Variants in CDH4 observed in about 807,000 individuals in gnomAD.
The protein encoded by CDH4 is cadherin 4.
A neutral mutation model predicts 86.0 loss-of-function variants in CDH4; 33 were observed. The observed-to-expected ratio is 0.38, with a 90% CI of 0.29 to 0.51. The LOEUF is 0.51. CDH4 is among the 20% of genes least tolerant of loss of function. CDH4 has a pLI of 0.86. For synonymous variants in CDH4, 555 were observed against 549.4 expected, an observed-to-expected ratio of 1.01 and a Z score of -0.14; for missense variants, 1,114 against 1,307.4, an observed-to-expected ratio of 0.85 and a Z score of 2.28.
chr20:61,622,906 C>T (rs747632766), intron 2 of CDH4, among the ~76,000 whole-genome samples: 3 of 152,090 alleles, frequency 2.0e-5, no homozygotes, highest in Non-Finnish European at 1.5e-5. Flanking sequence ...GAGGTGGCTG[C>T]GGAGTTTAAG....
intron 2 of CDH4, among the ~76,000 whole-genome samples, chr20:61,523,863 G>A (rs2085891123): frequency 6.6e-6 from 1 of 152,198 alleles, no homozygotes; most frequent in Admixed American, 6.5e-5. Context: ...TACCAAAAAA[G>A]TCAAATTAAA....
At chr20:61,904,170 G>T (rs2054762498) in intron 8 of CDH4, among the ~76,000 whole-genome samples, 1 of 152,180 alleles carries the variant, frequency 6.6e-6, no homozygotes, top group Non-Finnish European at 1.5e-5. Context: ...AGCCGTCATC[G>T]GGGCCTCCAC....
chr20:61,657,330 G>A (rs2087203194), intron 2 of CDH4, among the ~76,000 whole-genome samples: 1 of 152,244 alleles, frequency 6.6e-6, no homozygotes, highest in African/African-American at 2.4e-5. Flanking sequence ...CCCCAAACGG[G>A]TTGCTTCCAC....
Position 61,383,548 on chromosome 20 carries a change from T to G in CDH4, c.169+128611T>G, listed in dbSNP as rs1307273153. On this transcript the variant is annotated intron_variant, in intron 2 of 15. Transcript: ENST00000614565. ...ATGAATATATATGAATATATATGAA[T>G]ATATATGATATATGATATATGATAT... 9.3e-5 allele frequency among the ~76,000 whole-genome samples: 8 copies of G among 86,034 alleles called. 1 individual carries two copies. Among genetic ancestry groups the G allele is most frequent in the African/African-American group, 1.4e-4 (2 of 13,884 alleles). The allele number at this position is 86,034 out of a possible 152,430, so 56.4% of individuals were successfully genotyped here. A position where few individuals can be genotyped will look rare whatever the true frequency, so the allele number is the denominator to read the frequency against.
intron 2 of CDH4, among the ~76,000 whole-genome samples, chr20:61,305,292 TG>T (rs1218095052): frequency 3.9e-5 from 6 of 152,218 alleles, no homozygotes; most frequent in Non-Finnish European, 8.8e-5. Flanking sequence ...GCTTTCGAGA[TG>T]CAGGGCCAGT....
chr20:61,699,576 A>C (rs1040504645), intron 2 of CDH4, among the ~76,000 whole-genome samples: 13 of 152,172 alleles, frequency 8.5e-5, no homozygotes, highest in African/African-American at 3.1e-4. Context: ...ATTGCTTCTC[A>C]CACAGCTTCC....
intron 9 of CDH4, among the ~76,000 whole-genome samples, chr20:61,912,369 C>A (rs1383279361): frequency 6.6e-6 from 1 of 152,118 alleles, no homozygotes; most frequent in East Asian, 1.9e-4. Flanking sequence ...TTCTCAACAC[C>A]CCAAAGTCAT....
intron 4 of CDH4, among the ~76,000 whole-genome samples, chr20:61,780,703 T>C (rs1032342630): frequency 2.0e-5 from 3 of 152,222 alleles, no homozygotes; most frequent in African/African-American, 7.2e-5. Context: ...TTAAGCTCTT[T>C]GAAGTTACTT....
At chr20:61,713,322 C>A (rs1056620175) in intron 2 of CDH4, among the ~76,000 whole-genome samples, 3 of 152,198 alleles carry the variant, frequency 2.0e-5, no homozygotes, top group Non-Finnish European at 2.9e-5. Context: ...CACTCCCCCC[C>A]AGACCTCCTG....
At chr20:61,630,848 G>T (rs1383470440) in intron 2 of CDH4, among the ~76,000 whole-genome samples, 1 of 152,210 alleles carries the variant, frequency 6.6e-6, no homozygotes. Context: ...CCCTTCAGTT[G>T]CTGGGGCTGG....
chr20:61,682,188 G>T (rs1235061334), intron 2 of CDH4, among the ~76,000 whole-genome samples: 1 of 151,852 alleles, frequency 6.6e-6, no homozygotes. Context: ...ATGGATGGAG[G>T]GATGGATGGA....
intron 9 of CDH4, among the ~76,000 whole-genome samples, chr20:61,913,280 T>A (rs2054870972): frequency 6.6e-6 from 1 of 152,144 alleles, no homozygotes; most frequent in African/African-American, 2.4e-5. Flanking sequence ...TGGCTCGATG[T>A]GGTGGGGAAA....
chr20:61,422,620 C>T (rs954028102), intron 2 of CDH4, among the ~76,000 whole-genome samples: 1 of 152,058 alleles, frequency 6.6e-6, no homozygotes, highest in African/African-American at 2.4e-5. Flanking sequence ...GCACAGAGTT[C>T]AGAGCGCAAC....
chr20:61,722,243 T>C (rs1212786957), intron 2 of CDH4, among the ~76,000 whole-genome samples: 1 of 152,108 alleles, frequency 6.6e-6, no homozygotes, highest in Non-Finnish European at 1.5e-5. Flanking sequence ...AAAGAAGCCA[T>C]GGTTGGAAAG....
intron 2 of CDH4, among the ~76,000 whole-genome samples, chr20:61,322,149 C>T (rs371621406): frequency 2.9e-4 from 44 of 152,176 alleles, no homozygotes; most frequent in Non-Finnish European, 2.8e-4. Context: ...GTTATTTATT[C>T]ATTCAGTGCA....
chr20:61,735,999 G>T (rs918797390), intron 2 of CDH4, among the ~76,000 whole-genome samples: 2 of 152,178 alleles, frequency 1.3e-5, no homozygotes, highest in East Asian at 1.9e-4. Flanking sequence ...CCTAAAGGGG[G>T]TGTCTGGGTG....
intron 2 of CDH4, among the ~76,000 whole-genome samples, chr20:61,493,490 G>C (rs1181294276): frequency 6.6e-6 from 1 of 152,224 alleles, no homozygotes; most frequent in Non-Finnish European, 1.5e-5. Flanking sequence ...CTGATGCGCT[G>C]CCTTAGGCAA....
rs186770226 is a variant in CDH4 at position 61,772,482 on chromosome 20, T to C, written c.397-521T>C. Among the ~76,000 whole-genome samples, 291 of 152,376 alleles carry C rather than the reference T, an allele frequency of 1.9e-3. 5 individuals carry two copies. The highest frequency in any genetic ancestry group is 6.8e-3 in the Middle Eastern group (2 of 294). On this transcript the variant is annotated intron_variant, in intron 3 of 15. Transcript: ENST00000614565. The stretch of plus-strand genomic sequence containing the variant: ...TTTTGCTGTGAATTATCTATTCATG[T>C]CCTTTTCTTGTTTGGAAACAACATT...
intron 4 of CDH4, among the ~76,000 whole-genome samples, chr20:61,838,137 C>T (rs540975629): frequency 6.6e-6 from 1 of 150,472 alleles, no homozygotes; most frequent in African/African-American, 2.4e-5. Flanking sequence ...GGGCCGTCTA[C>T]CTGCCTGTCT....
Sources: allele counts gnomAD v4.1 joint callset (sites outside exome capture counted in the v4.1 genomes callset), GRCh38; gene constraint gnomAD v4.1.1; transcripts MANE v1.5; gene names NCBI Gene and HGNC (gene_info 2026-07-23, HGNC 2026-07-21).